The following PRKN variants were observed in gnomAD, a reference collection of about 807,000 sequenced individuals.
PRKN encodes the protein E3 ubiquitin-protein ligase parkin.
In PRKN, 56 loss-of-function variants were observed where a neutral mutation model predicts 59.5. The ratio of observed to expected loss-of-function variants is 0.94; its 90% CI spans 0.76 to 1.18. The LOEUF is 1.18. Among genes scored for constraint, PRKN ranks in the 50% most tolerant of loss-of-function variants. The pLI, the probability that PRKN is intolerant of heterozygous loss-of-function variation, is 0.00. For synonymous variants in PRKN, 250 were observed against 222.1 expected (o/e 1.13, Z -1.12); for missense variants, 657 against 596.4 (o/e 1.10, Z -1.06).
Position 162,430,489 on chromosome 6 carries a change from C to T in PRKN, c.171+12821G>A, listed in dbSNP as rs536148426. Among the ~76,000 whole-genome samples, 7 of 152,164 alleles carry T rather than the reference C, an allele frequency of 4.6e-5. No homozygotes were observed. In the South Asian group the frequency reaches 1.5e-3, roughly 32 times the overall value. On this transcript the variant is annotated intron_variant, in intron 2 of 11. Transcript: ENST00000366898. ...AGATTGTTGGGAGCAGGGCTCATAC[C>T]TTATGATACATAATGGGTGCCCAAT...
In PRKN at chr6:161,874,452, T is replaced by C. The variant is rs1333985147; in HGVS notation, c.735-88544A>G. 5.1e-4 allele frequency among the ~76,000 whole-genome samples: 52 copies of C among 102,300 alleles called. No individual in the cohort carries two copies. In the East Asian group the frequency reaches 0.014, roughly 27 times the overall value. 67.1% of individuals were successfully genotyped at this position (102,300 alleles called of 152,430 possible). A position where few individuals can be genotyped will look rare whatever the true frequency, so the allele number is the denominator to read the frequency against. ...TGTAAAATATTATATATAAAATATA[T>C]ATTATATGTAAAATATATTATATGT... On this transcript the variant is annotated intron_variant, in intron 6 of 11. Transcript: ENST00000366898.
intron 6 of PRKN, among the ~76,000 whole-genome samples, chr6:161,820,700 A>G (rs1226843149): frequency 6.7e-6 from 1 of 148,550 alleles, no homozygotes; most frequent in African/African-American, 2.4e-5. Context: ...ATAAAATTTT[A>G]TGCATAAATA....
At chr6:162,125,742 C>T (rs1781099656) in intron 4 of PRKN, among the ~76,000 whole-genome samples, 1 of 152,126 alleles carries the variant, frequency 6.6e-6, no homozygotes, top group African/African-American at 2.4e-5. Flanking sequence ...TGGCAATTTT[C>T]AAACAGAGGC....
intron 1 of PRKN, among the ~76,000 whole-genome samples, chr6:162,571,997 A>G (rs1780351378): frequency 1.3e-5 from 2 of 152,140 alleles, no homozygotes; most frequent in Non-Finnish European, 2.9e-5. Flanking sequence ...AAAAAAACAA[A>G]CAGACATTCC....
chr6:161,799,848 G>A (rs753689219), intron 6 of PRKN, among the ~76,000 whole-genome samples: 2 of 152,330 alleles, frequency 1.3e-5, no homozygotes, highest in African/African-American at 2.4e-5. Flanking sequence ...CAGGTCTGGC[G>A]TAAGAGGGTT....
Position 161,395,153 on chromosome 6 carries a change from G to A in PRKN, c.1084-8276C>T, listed in dbSNP as rs571251424. Among the ~76,000 whole-genome samples, 1 of 152,172 alleles carries A rather than the reference G, an allele frequency of 6.6e-6. No individual in the cohort carries two copies. Among genetic ancestry groups the A allele is most frequent in the South Asian group, 2.1e-4 (1 of 4,818 alleles). On this transcript the variant is annotated intron_variant, in intron 9 of 11. Coordinates refer to ENST00000366898, the MANE Select transcript of PRKN (RefSeq NM_004562.3). This position sits in a 1 kb window ranked among gnomAD's most constrained non-coding sequence, Gnocchi z 5.0. The stretch of plus-strand genomic sequence containing the variant: ...ACTGTCACCTGTTTGTATAGGTATT[G>A]TTCCAGAAATATGTTCTGCACTCAA...
chr6:162,000,416 C>A (rs1363031776), intron 5 of PRKN, among the ~76,000 whole-genome samples: 1 of 152,024 alleles, frequency 6.6e-6, no homozygotes, highest in Non-Finnish European at 1.5e-5. Context: ...AGACGTTGAG[C>A]ATCTTCTTAT....
chr6:161,977,049 T>C (rs1781059827), intron 5 of PRKN, among the ~76,000 whole-genome samples: 1 of 152,260 alleles, frequency 6.6e-6, no homozygotes, highest in Admixed American at 6.5e-5. Context: ...ATATTAAATA[T>C]GTATGCCTCA....
chr6:162,534,832 T>C (rs1778653280), intron 1 of PRKN, among the ~76,000 whole-genome samples: 1 of 152,132 alleles, frequency 6.6e-6, no homozygotes, highest in South Asian at 2.1e-4. Flanking sequence ...CACTTTCCGC[T>C]TCCCAAATGA....
chr6:162,563,080 A>G (rs898456191), intron 1 of PRKN, among the ~76,000 whole-genome samples: 1 of 152,174 alleles, frequency 6.6e-6, no homozygotes, highest in Non-Finnish European at 1.5e-5. Context: ...AGGCGGGCGG[A>G]TCATGAAGTC....
intron 4 of PRKN, among the ~76,000 whole-genome samples, chr6:162,123,751 T>C (rs949845055): frequency 2.0e-5 from 3 of 152,212 alleles, no homozygotes; most frequent in African/African-American, 4.8e-5. Flanking sequence ...CAAAGCAGTA[T>C]ATGTTCTGAA....
chr6:162,240,597 A>ACTTCCT, intron 3 of PRKN, among the ~76,000 whole-genome samples: 1 of 152,218 alleles, frequency 6.6e-6, no homozygotes, highest in Non-Finnish European at 1.5e-5. Flanking sequence ...AAGTAACAAT[A>ACTTCCT]ACACCATGCA....
intron 2 of PRKN, among the ~76,000 whole-genome samples, chr6:162,331,591 T>A (rs1360251942): frequency 1.3e-5 from 2 of 152,190 alleles, no homozygotes; most frequent in African/African-American, 2.4e-5. Flanking sequence ...GTGAGCTTGG[T>A]GGACACCACC....
At chr6:162,580,902 G>A (rs555798429) in intron 1 of PRKN, among the ~76,000 whole-genome samples, 1 of 152,272 alleles carries the variant, frequency 6.6e-6, no homozygotes, top group Non-Finnish European at 1.5e-5. Context: ...TCGCCCCAAA[G>A]TGTAAGACAG....
At chr6:162,449,278 CCTGT>C (rs920414893) in intron 1 of PRKN, among the ~76,000 whole-genome samples, 11 of 152,276 alleles carry the variant, frequency 7.2e-5, no homozygotes, top group Middle Eastern at 3.4e-3. Flanking sequence ...TCTTCCTACA[CCTGT>C]CTTAGTGCTT....
chr6:162,441,742 G>C (rs143377897), intron 2 of PRKN, among the ~76,000 whole-genome samples: 2 of 152,218 alleles, frequency 1.3e-5, no homozygotes, highest in Non-Finnish European at 2.9e-5. Flanking sequence ...CTTAAGAAGT[G>C]TTTGTCAAAA....
rs1445228521 is a variant in PRKN at position 161,621,386 on chromosome 6, G to T, written c.872-51970C>A. Reference sequence around the variant, plus strand: ...CTGATAGTGTAATTCTCAGTCTGAGGCTGGTGGGGGTTGGGTGCTGATGAA... The same window carrying T: ...CTGATAGTGTAATTCTCAGTCTGAGTCTGGTGGGGGTTGGGTGCTGATGAA... On this transcript the variant is annotated intron_variant, in intron 7 of 11. Transcript: ENST00000366898. Among the ~76,000 whole-genome samples the T allele has an allele frequency of 3.3e-5, 5 of 152,266 alleles. No homozygotes were observed. In the East Asian group the frequency reaches 9.7e-4, roughly 29 times the overall value.
intron 4 of PRKN, among the ~76,000 whole-genome samples, chr6:162,176,902 A>G (rs911682047): frequency 6.7e-6 from 1 of 150,144 alleles, no homozygotes; most frequent in Non-Finnish European, 1.5e-5. Context: ...TGTTTTGGCT[A>G]ATCAGACTCT....
intron 3 of PRKN, among the ~76,000 whole-genome samples, chr6:162,211,163 T>C (rs1785184474): frequency 6.6e-6 from 1 of 152,130 alleles, no homozygotes; most frequent in Non-Finnish European, 1.5e-5. Flanking sequence ...GGGGACTGAT[T>C]CCATGGCTCT....
Sources: allele counts gnomAD v4.1 joint callset (sites outside exome capture counted in the v4.1 genomes callset), GRCh38; gene constraint gnomAD v4.1.1; non-coding constraint Gnocchi (gnomAD v3.1); transcripts MANE v1.5; gene names NCBI Gene and HGNC (gene_info 2026-07-23, HGNC 2026-07-21).